Variants in ACSS3 observed in about 807,000 individuals in gnomAD.
ACSS3 encodes acyl-CoA synthetase short chain family member 3.
A neutral mutation model predicts 84.2 loss-of-function variants in ACSS3; 64 were observed. The observed-to-expected ratio is 0.76, with a 90% CI of 0.62 to 0.94. ACSS3 has a LOEUF of 0.94. Among genes scored for constraint, ACSS3 ranks in the 40% least tolerant of loss-of-function variants. ACSS3 has a pLI of 0.00. For missense variants in ACSS3, 815 were observed against 867.6 expected, an observed-to-expected ratio of 0.94 and a Z score of 0.76; for synonymous variants, 317 against 310.1, an observed-to-expected ratio of 1.02 and a Z score of -0.23.
At chr12:81,166,503 A>G (rs1887409961) in intron 7 of ACSS3, among the ~76,000 whole-genome samples, 1 of 152,200 alleles carries the variant, frequency 6.6e-6, no homozygotes, top group African/African-American at 2.4e-5. Context: ...GAGGAAGAGA[A>G]ACTATATAAA....
chr12:81,171,377 A>C (rs1282384407), intron 7 of ACSS3, among the ~76,000 whole-genome samples: 1 of 152,146 alleles, frequency 6.6e-6, no homozygotes, highest in Non-Finnish European at 1.5e-5. Context: ...TAATTGTTTT[A>C]ATTGAATTTG....
chr12:81,199,608 TTAA>T, intron 9 of ACSS3, 164 bp downstream of exon 9: 2 of 1,493,188 alleles, frequency 1.3e-6, no homozygotes, highest in South Asian at 1.2e-5. Flanking sequence ...TGTTGTGTTA[TTAA>T]TAATGTCTTC....
At chr12:81,125,976 T>C (rs1267739865) in intron 2 of ACSS3, 1 of 152,216 alleles carries the variant, frequency 6.6e-6, no homozygotes, top group African/African-American at 2.4e-5. Context: ...TATGCAATAA[T>C]CATTACATTT....
intron 8 of ACSS3, among the ~76,000 whole-genome samples, chr12:81,177,514 C>G (rs1030789477): frequency 2.1e-4 from 32 of 152,110 alleles, no homozygotes; most frequent in African/African-American, 7.2e-4. Flanking sequence ...ACTACCATCA[C>G]AGTGAACAGG....
chr12:81,194,386 AC>A (rs1404827141), intron 8 of ACSS3, among the ~76,000 whole-genome samples: 4 of 151,872 alleles, frequency 2.6e-5, no homozygotes, highest in Admixed American at 2.6e-4. Flanking sequence ...AATAACAATA[AC>A]TTTTTGATAG....
At chr12:81,082,223 C>T (rs1881025742) in intron 1 of ACSS3, among the ~76,000 whole-genome samples, 1 of 152,192 alleles carries the variant, frequency 6.6e-6, no homozygotes. Context: ...TCTCTCCTTC[C>T]TTGCCTTTTG....
intron 1 of ACSS3, among the ~76,000 whole-genome samples, chr12:81,089,187 T>A (rs1881511280): frequency 6.6e-6 from 1 of 152,018 alleles, no homozygotes; most frequent in Admixed American, 6.6e-5. Flanking sequence ...ACTTGGAAAT[T>A]TACTCCTCCA....
intron 7 of ACSS3, 149 bp downstream of exon 7, chr12:81,152,245 G>A: frequency 1.7e-6 from 1 of 580,862 alleles, no homozygotes; most frequent in Non-Finnish European, 2.9e-6. Context: ...ATTTTGAAAG[G>A]GAAAAGGATA....
At chr12:81,093,615 T>TC (rs1565971293) in intron 1 of ACSS3, among the ~76,000 whole-genome samples, 1 of 151,952 alleles carries the variant, frequency 6.6e-6, no homozygotes, top group African/African-American at 2.4e-5. Context: ...GTTTTTTTTT[T>TC]GGAAATAATT....
intron 8 of ACSS3, among the ~76,000 whole-genome samples, chr12:81,187,371 C>A (rs1484252128): frequency 4.0e-5 from 6 of 151,664 alleles, no homozygotes; most frequent in Non-Finnish European, 8.9e-5. Flanking sequence ...CAAGCAAAAA[C>A]TTAATTTCTT....
At position 81,157,160 on chromosome 12, in the gene ACSS3, G is replaced by C. The variant is rs577664945; in HGVS notation, c.1098+5064G>C. On this transcript the variant is annotated intron_variant, in intron 7 of 15. Coordinates refer to ENST00000548058, the MANE Select transcript of ACSS3 (RefSeq NM_024560.4). ...ATCTATAAAATGAATTATACACTGT[G>C]ACCAAGTGGAATTTATTCCAGAGGT... Among the ~76,000 whole-genome samples, 16 of 152,214 alleles carry C rather than the reference G, an allele frequency of 1.1e-4. 1 individual carries two copies. In the South Asian group the frequency reaches 3.3e-3, roughly 32 times the overall value.
intron 1 of ACSS3, among the ~76,000 whole-genome samples, chr12:81,095,219 T>C (rs1406807612): frequency 6.6e-6 from 1 of 152,116 alleles, no homozygotes; most frequent in Admixed American, 6.6e-5. Flanking sequence ...CATCATGACA[T>C]TTCTGAATTG....
chr12:81,159,279 C>G (rs1887032230), intron 7 of ACSS3, among the ~76,000 whole-genome samples: 1 of 151,558 alleles, frequency 6.6e-6, no homozygotes. Context: ...GAGGAAAACA[C>G]TCAAATCAAG....
rs192214309 is a variant in ACSS3, at chr12:81,195,406, G to A, written c.1251-3935G>A. On this transcript the variant is annotated intron_variant, in intron 8 of 15. Coordinates refer to ENST00000548058, the MANE Select transcript of ACSS3 (RefSeq NM_024560.4). ...ACGTTAAAACTTTACACTAATCTTT[G>A]TTATACTTTAACCTACTTTTAATAA... 3.0e-4 allele frequency among the ~76,000 whole-genome samples: 45 copies of A among 151,650 alleles called. 1 individual carries two copies. The South Asian group carries it at 4.2e-3, about 14-fold the overall frequency.
intron 5 of ACSS3, among the ~76,000 whole-genome samples, chr12:81,149,354 A>T: frequency 6.6e-6 from 1 of 152,166 alleles, no homozygotes; most frequent in South Asian, 2.1e-4. Context: ...GGAAAATGTG[A>T]TTATAAACAG....
chr12:81,229,480 G>A (rs539016481), intron 11 of ACSS3, among the ~76,000 whole-genome samples: 1 of 151,892 alleles, frequency 6.6e-6, no homozygotes, highest in South Asian at 2.1e-4. Flanking sequence ...TTAAAAAATC[G>A]ATGATTTTAC....
intron 7 of ACSS3, among the ~76,000 whole-genome samples, chr12:81,154,661 G>T (rs756755542): frequency 2.6e-5 from 4 of 151,994 alleles, no homozygotes; most frequent in Middle Eastern, 3.2e-3. Flanking sequence ...TCATCTCACC[G>T]TAGTCTGATT....
At chr12:81,119,680 T>C (rs1884399582) in intron 2 of ACSS3, among the ~76,000 whole-genome samples, 1 of 152,200 alleles carries the variant, frequency 6.6e-6, no homozygotes, top group African/African-American at 2.4e-5. Context: ...TATATGGCTC[T>C]ATTCTGCCTG....
intron 11 of ACSS3, among the ~76,000 whole-genome samples, chr12:81,228,150 C>G (rs2033333164): frequency 6.6e-6 from 1 of 151,808 alleles, no homozygotes; most frequent in Non-Finnish European, 1.5e-5. Flanking sequence ...TTTCATTGAA[C>G]AGAGGTTTTA....
Sources: gnomAD v4.1 joint callset for allele counts (sites outside exome capture counted in the v4.1 genomes callset) on GRCh38, gnomAD v4.1.1 for gene constraint, MANE v1.5 for transcripts, NCBI Gene and HGNC (gene_info 2026-07-23, HGNC 2026-07-21) for gene names.